The following ZFYVE9 variants were observed in gnomAD, a reference collection of about 807,000 sequenced individuals.
ZFYVE9 encodes zinc finger FYVE-type containing 9, also known as zinc finger FYVE domain-containing protein 9.
ZFYVE9 carries 43 observed loss-of-function variants against 126.7 expected under a neutral mutation model. That is an observed-to-expected ratio of 0.34 (90% confidence interval 0.27 to 0.44). ZFYVE9 has a LOEUF of 0.44. Among genes scored for constraint, ZFYVE9 ranks in the 20% least tolerant of loss-of-function variants. The pLI, the probability that ZFYVE9 is intolerant of heterozygous loss-of-function variation, is 1.00. For missense variants in ZFYVE9, 1,476 were observed against 1,697.0 expected (o/e 0.87, Z 2.29); for synonymous variants, 521 against 597.4 (o/e 0.87, Z 1.87).
At position 52,181,840 on chromosome 1, in the gene ZFYVE9, C is replaced by T. The variant is rs532329134; in HGVS notation, c.-142-34529C>T. 1.9e-3 allele frequency among the ~76,000 whole-genome samples: 280 copies of T among 150,922 alleles called. 2 individuals are homozygous for T. Among genetic ancestry groups the T allele is most frequent in the Middle Eastern group, 3.6e-3 (1 of 276 alleles). ...CCGTCTGAGAAGCGAGGAGCCCCTC[C>T]GCCCTGCAGCCGCCCCGTCTGAGAA... On this transcript the variant is annotated intron_variant, in intron 1 of 18. Coordinates refer to ENST00000287727, the MANE Select transcript of ZFYVE9 (RefSeq NM_004799.4).
intron 4 of ZFYVE9, among the ~76,000 whole-genome samples, chr1:52,256,535 G>C (rs925468133): frequency 6.6e-6 from 1 of 152,056 alleles, no homozygotes; most frequent in Non-Finnish European, 1.5e-5. Flanking sequence ...GTGCCACCAC[G>C]CTCAGCAGAT....
intron 14 of ZFYVE9, among the ~76,000 whole-genome samples, chr1:52,333,829 G>A (rs898369903): frequency 7.3e-5 from 11 of 150,714 alleles, no homozygotes; most frequent in African/African-American, 2.2e-4. Flanking sequence ...GGTGGCTCAC[G>A]CCTGTAATCC....
rs569702498 is a variant in ZFYVE9, at chr1:52,293,641, A to G, written c.3214A>G (p.Ile1072Val). The G allele has an allele frequency of 2.9e-5, 47 of 1,614,128 alleles. No homozygotes were observed. In the Admixed American group the frequency reaches 3.2e-4, roughly 11 times the overall value. ...WETPWAKVFP[I>V]RLMLRLGAEY... Reference sequence around the variant, plus strand: ...AACTCCTTGGGCTAAAGTATTTCCTATCCGTCTGATGTTGAGACTTGGAGC... The same window carrying G: ...AACTCCTTGGGCTAAAGTATTTCCTGTCCGTCTGATGTTGAGACTTGGAGC... Residue 1072 changes from isoleucine to valine, a missense_variant, in exon 11 of 19, where the codon ATC (isoleucine) becomes GTC (valine). Physicochemically the swap from Ile to Val is conservative, Grantham distance 29. Around this residue, in one of 2 missense-constraint regions of ZFYVE9, gnomAD observed 669 missense variants for 902.4 expected, o/e 0.74. Coordinates refer to ENST00000287727, the MANE Select transcript of ZFYVE9 (RefSeq NM_004799.4).
chr1:52,225,628 A>AT (rs1340169211), intron 2 of ZFYVE9, among the ~76,000 whole-genome samples: 1 of 152,142 alleles, frequency 6.6e-6, no homozygotes, highest in African/African-American at 2.4e-5. Flanking sequence ...TAAAAGTGTG[A>AT]TTTGTGAAGG....
At chr1:52,203,686 T>G (rs917154793) in intron 1 of ZFYVE9, among the ~76,000 whole-genome samples, 4 of 142,188 alleles carry the variant, frequency 2.8e-5, no homozygotes, top group African/African-American at 1.0e-4. Flanking sequence ...GTATTCTTAT[T>G]ACACGTATGT....
intron 13 of ZFYVE9, among the ~76,000 whole-genome samples, chr1:52,316,013 A>G (rs184153365): frequency 1.3e-5 from 2 of 151,830 alleles, no homozygotes; most frequent in Admixed American, 1.3e-4. Flanking sequence ...TAAAAATACA[A>G]AATTAGCCAG....
intron 4 of ZFYVE9, among the ~76,000 whole-genome samples, chr1:52,259,972 CTT>C (rs981761730): frequency 2.0e-5 from 3 of 152,026 alleles, no homozygotes; most frequent in African/African-American, 7.2e-5. Context: ...CTGATGAACA[CTT>C]GGGTTGTTTA....
chr1:52,340,904 C>CAAAA lies in ZFYVE9; in HGVS notation c.3939+699_3939+702dup, dbSNP rs10608842. ...TAGGCAACAGAGCAAGACTCCGTCT[C>CAAAA]AAAAAAAAAAAAAAAAAAAAAAAAA... On this transcript the variant is annotated intron_variant, in intron 17 of 18. Coordinates refer to ENST00000287727, the MANE Select transcript of ZFYVE9 (RefSeq NM_004799.4). Among the ~76,000 whole-genome samples, 15 of 100,694 alleles carry CAAAA rather than the reference C, an allele frequency of 1.5e-4. 1 individual carries two copies. The highest frequency in any genetic ancestry group is 3.3e-4 in the South Asian group (1 of 3,050). The allele number at this position is 100,694 out of a possible 152,430, so 66.1% of individuals were successfully genotyped here.
rs1489815660 is a variant in ZFYVE9 at position 52,238,985 on chromosome 1, G to T, written c.1568G>T (p.Arg523Ile). 1 of 1,614,002 alleles carries T rather than the reference G, an allele frequency of 6.2e-7. No individual in the cohort carries two copies. The highest frequency in any genetic ancestry group is 8.5e-7 in the Non-Finnish European group (1 of 1,180,020). ...TGCTACTCAAATATTTATGAACAGAGAGGAAATGAGGCCACAGAAGGGAGT... is the reference window on the plus strand; with the variant it reads ...TGCTACTCAAATATTTATGAACAGATAGGAAATGAGGCCACAGAAGGGAGT... ...SECYSNIYEQ[R>I]GNEATEGSGL... The change falls in exon 4 of 19, where the codon AGA becomes ATA. Residue 523 changes from arginine to isoleucine, a missense_variant. Arg to Ile is a moderately conservative substitution (Grantham distance 97). This residue lies in a region of ZFYVE9 where 807 missense variants were observed against 794.6 expected (regional missense o/e 1.02). Coordinates refer to ENST00000287727, the MANE Select transcript of ZFYVE9 (RefSeq NM_004799.4).
chr1:52,281,867 T>C (rs1645809111), intron 10 of ZFYVE9, 51 bp downstream of exon 10: 1 of 1,602,700 alleles, frequency 6.2e-7, no homozygotes, highest in Non-Finnish European at 8.5e-7. Context: ...GACAAAAAAA[T>C]TTTGAATTCA....
intron 5 of ZFYVE9, among the ~76,000 whole-genome samples, chr1:52,266,405 TAAAAAAAAA>T (rs33996604): frequency 3.2e-4 from 27 of 85,642 alleles, no homozygotes; most frequent in African/African-American, 9.6e-4. Flanking sequence ...TCTAATTCTT[TAAAAAAAAA>T]AAAAAAAAAA....
chr1:52,303,602 A>C (rs1443606977), intron 12 of ZFYVE9, among the ~76,000 whole-genome samples: 1 of 152,224 alleles, frequency 6.6e-6, no homozygotes, highest in East Asian at 1.9e-4. Flanking sequence ...AATGTTGTGT[A>C]TAAGAGGTAT....
chr1:52,328,190 G>A (rs891651939), intron 13 of ZFYVE9, among the ~76,000 whole-genome samples: 2 of 152,082 alleles, frequency 1.3e-5, no homozygotes, highest in Non-Finnish European at 2.9e-5. Context: ...TGATAAGTAC[G>A]AAAACATTGT....
intron 2 of ZFYVE9, among the ~76,000 whole-genome samples, chr1:52,225,887 G>A (rs1393580030): frequency 6.6e-6 from 1 of 152,062 alleles, no homozygotes; most frequent in Non-Finnish European, 1.5e-5. Flanking sequence ...TTAGGACACC[G>A]ACACACACGA....
chr1:52,257,872 C>T (rs1645538034), intron 4 of ZFYVE9, among the ~76,000 whole-genome samples: 1 of 152,124 alleles, frequency 6.6e-6, no homozygotes, highest in African/African-American at 2.4e-5. Flanking sequence ...ATTATAGGCG[C>T]CTGCCACCAC....
intron 1 of ZFYVE9, among the ~76,000 whole-genome samples, chr1:52,182,257 A>G (rs1644716730): frequency 1.3e-5 from 2 of 152,210 alleles, no homozygotes; most frequent in Non-Finnish European, 2.9e-5. Flanking sequence ...TGTGCCCAAC[A>G]GCTCATTGAG....
intron 1 of ZFYVE9, among the ~76,000 whole-genome samples, chr1:52,159,342 G>C (rs1572062825): frequency 6.6e-6 from 1 of 152,128 alleles, no homozygotes; most frequent in African/African-American, 2.4e-5. Context: ...GGTACCAGCT[G>C]TGCCAGTTTG....
intron 4 of ZFYVE9, among the ~76,000 whole-genome samples, chr1:52,261,237 T>C (rs1320782331): frequency 1.3e-5 from 2 of 151,028 alleles, no homozygotes; most frequent in East Asian, 3.9e-4. Flanking sequence ...TTTTTTTTTT[T>C]TTTTTTTGAG....
chr1:52,189,036 C>T (rs368242491), intron 1 of ZFYVE9, among the ~76,000 whole-genome samples: 3 of 147,840 alleles, frequency 2.0e-5, no homozygotes, highest in Non-Finnish European at 3.0e-5. Context: ...CTCCCAGGTT[C>T]GAGTGATTCT....
Sources: allele counts gnomAD v4.1 joint callset (sites outside exome capture counted in the v4.1 genomes callset), GRCh38; gene constraint gnomAD v4.1.1; regional missense constraint gnomAD v4.1.1; transcripts MANE v1.5; gene names NCBI Gene and HGNC (gene_info 2026-07-23, HGNC 2026-07-21).